AQR: variants seen among roughly 807,000 people sequenced by gnomAD.
AQR encodes the protein aquarius intron-binding spliceosomal factor, also known as RNA helicase aquarius.
In AQR, 61 loss-of-function variants were observed where a neutral mutation model predicts 180.5. The observed-to-expected ratio is 0.34, with a 90% CI of 0.28 to 0.42. AQR has a LOEUF of 0.42. AQR is among the 10% of genes least tolerant of loss of function. The probability of loss-of-function intolerance (pLI) is 1.00; values close to 1 mark genes in which losing one functional copy is unlikely to be tolerated. For synonymous variants in AQR, 551 were observed against 588.8 expected, an observed-to-expected ratio of 0.94 and a Z score of 0.93; for missense variants, 1,281 against 1,798.3, an observed-to-expected ratio of 0.71 and a Z score of 5.20.
intron 27 of AQR, among the ~76,000 whole-genome samples, chr15:34,878,020 T>C (rs1300000018): frequency 6.6e-6 from 1 of 152,188 alleles, no homozygotes. Context: ...CATGTTTTAA[T>C]ACTAGCTCTG....
intron 13 of AQR, among the ~76,000 whole-genome samples, chr15:34,922,608 A>G (rs1424310298): frequency 6.6e-6 from 1 of 152,072 alleles, no homozygotes; most frequent in East Asian, 1.9e-4. Flanking sequence ...AGGCTGAAGT[A>G]CAGTGGCAAG....
chr15:34,920,295 A>C, intron 14 of AQR, 37 bp downstream of exon 14: 1 of 1,494,886 alleles, frequency 6.7e-7, no homozygotes, highest in Non-Finnish European at 9.2e-7. Flanking sequence ...AAGGCAAGGA[A>C]AACCACATGC....
At chr15:34,889,266 C>A (rs1893105968) in intron 24 of AQR, among the ~76,000 whole-genome samples, 1 of 152,074 alleles carries the variant, frequency 6.6e-6, no homozygotes, top group African/African-American at 2.4e-5. Flanking sequence ...TGTTCTTTGC[C>A]CCTCTGCAAC....
intron 13 of AQR, among the ~76,000 whole-genome samples, chr15:34,924,653 AC>A (rs200409267): frequency 0.013 from 2,031 of 152,004 alleles, 54 homozygotes; most frequent in African/African-American, 0.047. Context: ...CTGGTCTCGA[AC>A]TCCTGACCTC....
chr15:34,944,472 A>G (rs767287306), intron 5 of AQR, 44 bp from the exon 6 acceptor site: 23 of 1,538,048 alleles, frequency 1.5e-5, no homozygotes, highest in Admixed American at 2.2e-5. Context: ...TGGCTTGCTC[A>G]CTTAAGCTTT....
intron 27 of AQR, among the ~76,000 whole-genome samples, chr15:34,879,924 C>T (rs1343505474): frequency 6.6e-6 from 1 of 152,124 alleles, no homozygotes; most frequent in Non-Finnish European, 1.5e-5. Flanking sequence ...GGCTCTCTTT[C>T]TCCATCCATC....
At position 34,943,164 on chromosome 15, in the gene AQR, G is replaced by A. The variant is rs762437977; in HGVS notation, c.472-1084C>T. On this transcript the variant is annotated intron_variant, in intron 6 of 34. Transcript: ENST00000156471. The stretch of plus-strand genomic sequence containing the variant: ...CCATAAAGTGACACAGTACAAGAAG[G>A]GCAAGGATTCTCTGTATGCCCAGGG... The A allele has an allele frequency of 1.9e-6, 3 of 1,610,838 alleles. No individual in the cohort carries two copies. The African/African-American group carries it at 4.0e-5, about 22-fold the overall frequency.
chr15:34,860,747 T>C (rs1308966939), intron 33 of AQR, among the ~76,000 whole-genome samples: 11 of 152,224 alleles, frequency 7.2e-5, no homozygotes, highest in Admixed American at 2.6e-4. Context: ...ATTTAACACA[T>C]ATACTATGAG....
chr15:34,922,491 T>A (rs529718814), intron 13 of AQR, among the ~76,000 whole-genome samples: 2 of 152,282 alleles, frequency 1.3e-5, no homozygotes, highest in Admixed American at 1.3e-4. Context: ...CCAGCAATTA[T>A]GAGAATTCCA....
intron 8 of AQR, among the ~76,000 whole-genome samples, chr15:34,939,274 G>A (rs147962787): frequency 3.5e-4 from 54 of 152,176 alleles, no homozygotes; most frequent in Middle Eastern, 3.4e-3. Flanking sequence ...CCACCATCTT[G>A]GCCAGGGTGT....
At chr15:34,876,054 A>G in intron 27 of AQR, 48 bp from the exon 28 acceptor site, 3 of 1,369,154 alleles carry the variant, frequency 2.2e-6, no homozygotes, top group Non-Finnish European at 2.1e-6. Flanking sequence ...AAGTCAAACA[A>G]CTACCATCAT....
At chr15:34,858,562 C>A (rs1263814839) in intron 34 of AQR, among the ~76,000 whole-genome samples, 2 of 152,108 alleles carry the variant, frequency 1.3e-5, no homozygotes, top group Non-Finnish European at 2.9e-5. Flanking sequence ...CTGCAGCATG[C>A]TTTTGGGGGT....
chr15:34,969,571 C>T lies in AQR; in HGVS notation c.43G>A (p.Val15Met), dbSNP rs2050332695. ...ACGAACTCCGCATTGATTTGGGACA[C>T]CGTAGGGGCCACGATCTTCTTGGGC... ...AQPKKIVAPT[V>M]SQINAEFVTQ... The change falls in exon 1 of 35, where the codon GTG becomes ATG. Residue 15 changes from valine (V) to methionine (M), a missense_variant. Val to Met is a conservative substitution (Grantham distance 21, BLOSUM62 1). This residue lies in a region of AQR where 404 missense variants were observed against 490.9 expected (regional missense o/e 0.82). Transcript: ENST00000156471. 1 of 1,613,670 alleles carries T rather than the reference C, an allele frequency of 6.2e-7. No homozygotes were observed. Among genetic ancestry groups the T allele is most frequent in the Non-Finnish European group, 8.5e-7 (1 of 1,180,030 alleles).
At chr15:34,947,758 A>C (rs547267577) in intron 5 of AQR, among the ~76,000 whole-genome samples, 3 of 152,002 alleles carry the variant, frequency 2.0e-5, no homozygotes, top group East Asian at 3.9e-4. Flanking sequence ...TCTTGCATCA[A>C]TCTCCCAAGT....
intron 13 of AQR, among the ~76,000 whole-genome samples, chr15:34,926,347 A>G (rs1893763752): frequency 6.6e-6 from 1 of 152,206 alleles, no homozygotes; most frequent in South Asian, 2.1e-4. Flanking sequence ...TCAAGGAACT[A>G]AACATAATTT....
chr15:34,893,014 T>A (rs955740823), intron 23 of AQR, among the ~76,000 whole-genome samples: 6 of 152,184 alleles, frequency 3.9e-5, no homozygotes, highest in African/African-American at 1.4e-4. Context: ...GTACCTATGA[T>A]CAGATTTTCA....
At chr15:34,872,636 C>A (rs1892835906) in intron 30 of AQR, among the ~76,000 whole-genome samples, 1 of 152,046 alleles carries the variant, frequency 6.6e-6, no homozygotes, top group East Asian at 1.9e-4. Flanking sequence ...TTAAAGTTAT[C>A]ATTTAAAGGT....
At chr15:34,857,226 G>A (rs1364862656) in intron 34 of AQR, 120 bp from the exon 35 acceptor site, 41 of 881,030 alleles carry the variant, frequency 4.7e-5, no homozygotes, top group Admixed American at 1.2e-4. Context: ...TACTCCAGAT[G>A]TAACACCTCT....
chr15:34,936,418 A>G (rs1430158530), intron 9 of AQR, among the ~76,000 whole-genome samples: 1 of 152,234 alleles, frequency 6.6e-6, no homozygotes, highest in Admixed American at 6.5e-5. Flanking sequence ...CTCAAGATTA[A>G]GAAATGATGT....
Sources: gnomAD v4.1 joint callset for allele counts (sites outside exome capture counted in the v4.1 genomes callset) on GRCh38, gnomAD v4.1.1 for gene constraint, gnomAD v4.1.1 regional missense constraint, MANE v1.5 for transcripts, NCBI Gene and HGNC (gene_info 2026-07-23, HGNC 2026-07-21) for gene names.